CNTN4: variants seen among roughly 807,000 people sequenced by gnomAD.
CNTN4 encodes the protein contactin-4.
In CNTN4, 77 loss-of-function variants were observed where a neutral mutation model predicts 122.5. The ratio of observed to expected loss-of-function variants is 0.63; its 90% confidence interval spans 0.52 to 0.76. The LOEUF is 0.76. Ranked by LOEUF, CNTN4 falls within the 30% of genes least tolerant of loss-of-function variation. The pLI is 0.00. For missense variants in CNTN4, 1,256 were observed against 1,259.1 expected, an observed-to-expected ratio of 1.00 and a Z score of 0.04; for synonymous variants, 512 against 447.0, an observed-to-expected ratio of 1.15 and a Z score of -1.83.
intron 4 of CNTN4, among the ~76,000 whole-genome samples, chr3:2,573,272 A>G (rs572043115): frequency 6.6e-6 from 1 of 152,180 alleles, no homozygotes; most frequent in African/African-American, 2.4e-5. Context: ...TTAATAGTCT[A>G]CCTTCATGTT....
At chr3:2,289,925 G>A (rs571099952) in intron 2 of CNTN4, among the ~76,000 whole-genome samples, 6 of 152,018 alleles carry the variant, frequency 3.9e-5, no homozygotes, top group South Asian at 4.2e-4. Flanking sequence ...ACTACCTCTC[G>A]GAAACTTGGA....
At chr3:2,962,951 T>G (rs2094876747) in intron 13 of CNTN4, among the ~76,000 whole-genome samples, 1 of 152,188 alleles carries the variant, frequency 6.6e-6, no homozygotes, top group East Asian at 1.9e-4. Flanking sequence ...AATGACCCTC[T>G]CAAATGGTGG....
chr3:2,374,829 T>G lies in CNTN4; in HGVS notation c.-89+35596T>G, dbSNP rs1313055553. 2.0e-5 allele frequency among the ~76,000 whole-genome samples: 3 copies of G among 152,202 alleles called. No homozygotes were observed. The East Asian group carries it at 5.8e-4, about 29-fold the overall frequency. On this transcript the variant is annotated intron_variant, in intron 3 of 24. Coordinates refer to ENST00000418658, the MANE Select transcript of CNTN4 (RefSeq NM_175607.3). ...TAATGATGAAATGAAGATCACATTC[T>G]TCACCCTTAGCAATGCTAATCACGT...
Position 2,276,465 on chromosome 3 carries a change from C to T in CNTN4, c.-144-62713C>T, listed in dbSNP as rs182706561. ...CTGGGATTACAGGCGTGAGCCACTGCGGCAGGCTTCTTTGCTTGATTTATG... is the reference window on the plus strand; with the variant it reads ...CTGGGATTACAGGCGTGAGCCACTGTGGCAGGCTTCTTTGCTTGATTTATG... On this transcript the variant is annotated intron_variant, in intron 2 of 24. Coordinates refer to ENST00000418658, the MANE Select transcript of CNTN4 (RefSeq NM_175607.3). Among the ~76,000 whole-genome samples, 158 of 152,210 alleles carry T rather than the reference C, an allele frequency of 1.0e-3. 1 individual carries two copies. Among genetic ancestry groups the T allele is most frequent in the African/African-American group, 3.7e-3 (155 of 41,528 alleles).
intron 4 of CNTN4, among the ~76,000 whole-genome samples, chr3:2,626,609 G>T (rs1043956415): frequency 2.0e-5 from 3 of 152,114 alleles, no homozygotes; most frequent in Non-Finnish European, 4.4e-5. Flanking sequence ...TTACCCAAGA[G>T]GAGAGGAAAG....
chr3:2,702,564 G>A (rs553951087), intron 4 of CNTN4, among the ~76,000 whole-genome samples: 1 of 152,310 alleles, frequency 6.6e-6, no homozygotes, highest in South Asian at 2.1e-4. Context: ...ATTTAAAACA[G>A]CTTGAATGTA....
Position 2,912,867 on chromosome 3 carries a change from C to T in CNTN4, c.1207+9862C>T, listed in dbSNP as rs189146015. 4.5e-3 allele frequency among the ~76,000 whole-genome samples: 688 copies of T among 152,294 alleles called. 4 individuals are homozygous for T. Among genetic ancestry groups the T allele is most frequent in the Non-Finnish European group, 7.6e-3 (514 of 68,032 alleles). On this transcript the variant is annotated intron_variant, in intron 12 of 24. Coordinates refer to ENST00000418658, the MANE Select transcript of CNTN4 (RefSeq NM_175607.3). ...ATCATTTTTAAAAATAAAGGAAACA[C>T]AAGGCTGGGTGCAGTGGCTCACGCC...
chr3:3,012,707 G>A (rs549275740), intron 14 of CNTN4, among the ~76,000 whole-genome samples: 6 of 152,212 alleles, frequency 3.9e-5, no homozygotes, highest in Non-Finnish European at 5.9e-5. Flanking sequence ...CGTGGCTCAC[G>A]CCTGTAATCC....
intron 2 of CNTN4, among the ~76,000 whole-genome samples, chr3:2,287,509 A>G (rs1559414900): frequency 6.6e-6 from 1 of 151,748 alleles, no homozygotes; most frequent in Non-Finnish European, 1.5e-5. Flanking sequence ...GGGCTGAGGT[A>G]GGAAGGTCAC....
chr3:2,265,717 T>C (rs1426537145), intron 2 of CNTN4, among the ~76,000 whole-genome samples: 1 of 151,928 alleles, frequency 6.6e-6, no homozygotes, highest in Non-Finnish European at 1.5e-5. Context: ...ATTTCTTCAT[T>C]TTTAATGTTC....
chr3:2,643,061 G>A (rs2082963831), intron 4 of CNTN4, among the ~76,000 whole-genome samples: 1 of 152,090 alleles, frequency 6.6e-6, no homozygotes, highest in African/African-American at 2.4e-5. Context: ...ACAAAGGAAG[G>A]GCTTAAACAA....
At chr3:2,798,365 A>AT (rs60905770) in intron 6 of CNTN4, among the ~76,000 whole-genome samples, 116,577 of 143,228 alleles carry the variant, frequency 0.81, 47,766 homozygotes, top group Middle Eastern at 0.9. Flanking sequence ...ATACACACAT[A>AT]AATCTATCTA....
intron 3 of CNTN4, among the ~76,000 whole-genome samples, chr3:2,471,252 C>T (rs144490322): frequency 3.9e-5 from 6 of 152,198 alleles, no homozygotes; most frequent in Admixed American, 6.5e-5. Flanking sequence ...ATTGACAGAA[C>T]CAGTATTTAT....
chr3:2,950,231 G>A (rs1017957138), intron 13 of CNTN4, among the ~76,000 whole-genome samples: 2 of 152,234 alleles, frequency 1.3e-5, no homozygotes, highest in East Asian at 1.9e-4. Context: ...CCACAGGCAT[G>A]TGCTGACATG....
chr3:2,328,240 C>G (rs975610201), intron 2 of CNTN4, among the ~76,000 whole-genome samples: 1 of 151,668 alleles, frequency 6.6e-6, no homozygotes, highest in Non-Finnish European at 1.5e-5. Context: ...CCCGTCTCTA[C>G]TAAAAATACA....
chr3:2,735,001 TA>T (rs1317023939), intron 4 of CNTN4, among the ~76,000 whole-genome samples: 1 of 152,188 alleles, frequency 6.6e-6, no homozygotes, highest in Middle Eastern at 3.2e-3. Flanking sequence ...TACTTCAAAG[TA>T]AAGCAGATTC....
intron 13 of CNTN4, among the ~76,000 whole-genome samples, chr3:2,949,059 T>A (rs890706482): frequency 2.6e-5 from 4 of 152,128 alleles, no homozygotes; most frequent in African/African-American, 9.7e-5. Flanking sequence ...TATCTGCTGC[T>A]AGCTAGCTCT....
intron 3 of CNTN4, among the ~76,000 whole-genome samples, chr3:2,445,493 A>G (rs1268102555): frequency 1.3e-5 from 2 of 152,168 alleles, no homozygotes; most frequent in African/African-American, 4.8e-5. Flanking sequence ...ATTTAGATCT[A>G]TAGACTATCT....
chr3:2,424,890 A>T (rs2151141056), intron 3 of CNTN4, among the ~76,000 whole-genome samples: 1 of 152,242 alleles, frequency 6.6e-6, no homozygotes, highest in East Asian at 1.9e-4. Context: ...GTCTGTTCAT[A>T]TCCTTTGCCC....
Sources: allele counts gnomAD v4.1 joint callset (sites outside exome capture counted in the v4.1 genomes callset), GRCh38; gene constraint gnomAD v4.1.1; transcripts MANE v1.5; gene names NCBI Gene and HGNC (gene_info 2026-07-23, HGNC 2026-07-21).